The following PHACTR1 variants were observed in gnomAD, a reference collection of about 807,000 sequenced individuals.
The protein encoded by PHACTR1 is RPEL repeat containing 1.
Under a neutral mutation model 69.2 loss-of-function variants are expected in PHACTR1, and 16 were observed. That is an observed-to-expected ratio of 0.23 (90% confidence interval 0.16 to 0.35). The LOEUF is 0.35. PHACTR1 is among the 10% of genes least tolerant of loss of function. The pLI, the probability that PHACTR1 is intolerant of heterozygous loss-of-function variation, is 1.00. For missense variants in PHACTR1, 510 were observed against 734.7 expected, an observed-to-expected ratio of 0.69 and a Z score of 3.54; for synonymous variants, 312 against 284.5, an observed-to-expected ratio of 1.10 and a Z score of -0.97.
chr6:12,854,764 G>A (rs1474784981), intron 4 of PHACTR1, among the ~76,000 whole-genome samples: 1 of 152,158 alleles, frequency 6.6e-6, no homozygotes, highest in Admixed American at 6.6e-5. Flanking sequence ...ACATAGAAGA[G>A]ACCAAGAAAC....
At chr6:12,900,932 A>T (rs1785121684) in intron 4 of PHACTR1, among the ~76,000 whole-genome samples, 1 of 151,924 alleles carries the variant, frequency 6.6e-6, no homozygotes. Context: ...TTTAAATGTT[A>T]TCTTTTTCTT....
At chr6:12,886,164 C>T (rs1292891314) in intron 4 of PHACTR1, among the ~76,000 whole-genome samples, 3 of 152,010 alleles carry the variant, frequency 2.0e-5, no homozygotes, top group African/African-American at 4.8e-5. Flanking sequence ...CTGACTCTAC[C>T]TTTATCTCAA....
At position 13,158,986 on chromosome 6, in the gene PHACTR1, G is replaced by A. The variant is rs144498938; in HGVS notation, c.416-1218G>A. On this transcript the variant is annotated intron_variant, in intron 5 of 14. Transcript: ENST00000332995. Reference sequence around the variant, plus strand: ...TGTGGAGGTTGAGTCAGTGTGTACCGGAGACTGCGCCAGCTGCTGGAATAG... The same window carrying A: ...TGTGGAGGTTGAGTCAGTGTGTACCAGAGACTGCGCCAGCTGCTGGAATAG... Among the ~76,000 whole-genome samples, 111 of 152,274 alleles carry A rather than the reference G, an allele frequency of 7.3e-4. 1 individual carries two copies. The highest frequency in any genetic ancestry group is 3.4e-3 in the Middle Eastern group (1 of 294).
At chr6:12,790,799 C>T (rs1204626421) in intron 4 of PHACTR1, among the ~76,000 whole-genome samples, 1 of 152,148 alleles carries the variant, frequency 6.6e-6, no homozygotes, top group Non-Finnish European at 1.5e-5. Flanking sequence ...GAGATTTATC[C>T]AGCTTGATGT....
chr6:12,749,425 G>T (rs767079538), intron 3 of PHACTR1: 1 of 627,948 alleles, frequency 1.6e-6, no homozygotes, highest in South Asian at 1.5e-5. Flanking sequence ...ATCCTTAACG[G>T]ATTTTCTTTC....
At chr6:13,188,371 G>GGCCA (rs1327889070) in intron 7 of PHACTR1, among the ~76,000 whole-genome samples, 1 of 152,074 alleles carries the variant, frequency 6.6e-6, no homozygotes, top group African/African-American at 2.4e-5. Context: ...AAGACATCTG[G>GGCCA]GCCATGTCAG....
chr6:13,244,281 A>G (rs548682759), intron 10 of PHACTR1, among the ~76,000 whole-genome samples: 2 of 152,312 alleles, frequency 1.3e-5, no homozygotes, highest in Non-Finnish European at 2.9e-5. Flanking sequence ...AGAATATCAC[A>G]AGGCAAGTGG....
At chr6:12,879,619 C>T (rs1332842) in intron 4 of PHACTR1, among the ~76,000 whole-genome samples, 7,901 of 152,256 alleles carry the variant, frequency 0.052, 326 homozygotes, top group Admixed American at 0.098. Flanking sequence ...TCAACACTAA[C>T]TCGTAATGAT....
intron 5 of PHACTR1, among the ~76,000 whole-genome samples, chr6:13,069,418 A>G (rs1044514878): frequency 1.3e-4 from 20 of 152,086 alleles, no homozygotes; most frequent in Non-Finnish European, 2.2e-4. Context: ...CCATGCCACC[A>G]GGTCTAGTGC....
intron 7 of PHACTR1, among the ~76,000 whole-genome samples, chr6:13,189,647 A>G (rs112449317): frequency 0.012 from 1,796 of 152,116 alleles, 33 homozygotes; most frequent in African/African-American, 0.041. Context: ...TGATCCACCC[A>G]TCTCTGCCTC....
chr6:13,194,187 G>A (rs1764019346), intron 7 of PHACTR1, among the ~76,000 whole-genome samples: 1 of 152,092 alleles, frequency 6.6e-6, no homozygotes, highest in African/African-American at 2.4e-5. Flanking sequence ...GGCAGATCAC[G>A]AGGTCAAGAG....
intron 4 of PHACTR1, among the ~76,000 whole-genome samples, chr6:12,954,217 G>A (rs910059107): frequency 1.3e-5 from 2 of 152,052 alleles, no homozygotes; most frequent in African/African-American, 4.8e-5. Flanking sequence ...CAAAGACTGT[G>A]CAGCAAAGAG....
chr6:12,741,705 A>G (rs984004443), intron 3 of PHACTR1, among the ~76,000 whole-genome samples: 1 of 151,432 alleles, frequency 6.6e-6, no homozygotes, highest in African/African-American at 2.4e-5. Flanking sequence ...TTATTTGTCA[A>G]GATTGTGCTG....
intron 5 of PHACTR1, among the ~76,000 whole-genome samples, chr6:13,066,577 C>T (rs4580867): frequency 0.47 from 71,986 of 151,950 alleles, 19,178 homozygotes; most frequent in East Asian, 0.83. Flanking sequence ...TTACAAAACC[C>T]CCTAAAACAT....
intron 5 of PHACTR1, among the ~76,000 whole-genome samples, chr6:13,084,119 T>C (rs1811875685): frequency 6.6e-6 from 1 of 152,010 alleles, no homozygotes; most frequent in African/African-American, 2.4e-5. Flanking sequence ...GACTTGGAAC[T>C]GACCCAAATG....
chr6:13,193,873 C>G (rs1169136354), intron 7 of PHACTR1, among the ~76,000 whole-genome samples: 4 of 152,048 alleles, frequency 2.6e-5, no homozygotes, highest in African/African-American at 7.2e-5. Flanking sequence ...GCATTTCTCA[C>G]CCTCCTTTAT....
rs1334842652 is a variant in PHACTR1, at chr6:13,233,701, T to A, written c.1391+3508T>A. The stretch of plus-strand genomic sequence containing the variant: ...TCCACCTGGTCCTGCCCTTGACACA[T>A]GGGGATTATGGGGATTAGAATTCAA... On this transcript the variant is annotated intron_variant, in intron 10 of 14. Transcript: ENST00000332995. 6.6e-5 allele frequency among the ~76,000 whole-genome samples: 10 copies of A among 152,156 alleles called. No homozygotes were observed. In the East Asian group the frequency reaches 1.7e-3, roughly 26 times the overall value.
rs994692577 is a variant in PHACTR1 at position 13,247,794 on chromosome 6, T to C, written c.1391+17601T>C. Among the ~76,000 whole-genome samples the C allele has an allele frequency of 5.3e-5, 8 of 152,240 alleles. No homozygotes were observed. The South Asian group carries it at 6.2e-4, about 12-fold the overall frequency. ...ACTTGAGGTCAGGACTTCGAGGTTGTAGTCTGCGATGATCAAACCTGTGAA... is the reference window on the plus strand; with the variant it reads ...ACTTGAGGTCAGGACTTCGAGGTTGCAGTCTGCGATGATCAAACCTGTGAA... On this transcript the variant is annotated intron_variant, in intron 10 of 14. Transcript: ENST00000332995.
intron 3 of PHACTR1, among the ~76,000 whole-genome samples, chr6:12,727,279 C>G (rs1179828126): frequency 6.6e-6 from 1 of 152,216 alleles, no homozygotes; most frequent in East Asian, 1.9e-4. Flanking sequence ...GCTAGCCAAC[C>G]TGTCAACTCC....
Sources: gnomAD v4.1 joint callset for allele counts (sites outside exome capture counted in the v4.1 genomes callset) on GRCh38, gnomAD v4.1.1 for gene constraint, MANE v1.5 for transcripts, NCBI Gene and HGNC (gene_info 2026-07-23, HGNC 2026-07-21) for gene names.